The following CDH13 variants were observed in gnomAD, a reference collection of about 807,000 sequenced individuals.
CDH13 encodes cadherin-13.
In CDH13, 24 loss-of-function variants were observed where a neutral mutation model predicts 63.8. The ratio of observed to expected loss-of-function variants is 0.38; its 90% CI spans 0.27 to 0.53. The LOEUF is 0.53. Among genes scored for constraint, CDH13 ranks in the 20% least tolerant of loss-of-function variants. CDH13 has a pLI of 0.85. For missense variants in CDH13, 1,049 were observed against 903.1 expected, an observed-to-expected ratio of 1.16 and a Z score of -2.07; for synonymous variants, 503 against 355.3, an observed-to-expected ratio of 1.42 and a Z score of -4.67.
At chr16:83,421,788 G>A (rs1056109093) in intron 6 of CDH13, among the ~76,000 whole-genome samples, 12 of 152,216 alleles carry the variant, frequency 7.9e-5, no homozygotes, top group Non-Finnish European at 1.5e-4. Context: ...ATTGGCCACA[G>A]TGGAATTAAC....
Position 83,405,941 on chromosome 16 carries a change from C to T in CDH13, c.781+60935C>T, listed in dbSNP as rs181138468. Among the ~76,000 whole-genome samples, 242 of 152,278 alleles carry T rather than the reference C, an allele frequency of 1.6e-3. 4 individuals carry two copies. Among genetic ancestry groups the T allele is most frequent in the African/African-American group, 5.6e-3 (232 of 41,566 alleles). ...TCAAAGTTAGAACAGGCAGCCAATG[C>T]GTTTGATGTCCTTGAGCCACATGCC... On this transcript the variant is annotated intron_variant, in intron 6 of 13. Coordinates refer to ENST00000567109, the MANE Select transcript of CDH13 (RefSeq NM_001257.5).
intron 7 of CDH13, among the ~76,000 whole-genome samples, chr16:83,499,386 C>T (rs542405702): frequency 0.013 from 1,983 of 152,254 alleles, 50 homozygotes; most frequent in African/African-American, 0.044. Context: ...TTTAACTTTT[C>T]CACAGTGCAG....
In CDH13 at chr16:83,646,692, CAAAA is replaced by C. The variant is rs199756336; in HGVS notation, c.1102-24080_1102-24077del. 2.1e-3 allele frequency among the ~76,000 whole-genome samples: 150 copies of C among 72,690 alleles called. 2 individuals are homozygous for C. The highest frequency in any genetic ancestry group is 6.7e-3 in the African/African-American group (147 of 21,886). The allele number at this position is 72,690 out of a possible 152,430, so 47.7% of individuals were successfully genotyped here. ...GGGTGACAAGAGCAAGACTCCGTCT[CAAAA>C]AAAAAAAAAAAAAAAAACACACACA... On this transcript the variant is annotated intron_variant, in intron 8 of 13. Coordinates refer to ENST00000567109, the MANE Select transcript of CDH13 (RefSeq NM_001257.5).
At chr16:83,349,377 G>C (rs2090904244) in intron 6 of CDH13, among the ~76,000 whole-genome samples, 1 of 152,084 alleles carries the variant, frequency 6.6e-6, no homozygotes, top group African/African-American at 2.4e-5. Flanking sequence ...ATGTCTTGTT[G>C]GCATCAATTC....
chr16:82,785,984 CA>C (rs1419198068), intron 1 of CDH13, among the ~76,000 whole-genome samples: 2 of 152,084 alleles, frequency 1.3e-5, no homozygotes, highest in Non-Finnish European at 2.9e-5. Flanking sequence ...AGGGTTAGAC[CA>C]CACAGGCTAA....
intron 2 of CDH13, among the ~76,000 whole-genome samples, chr16:82,984,293 A>G (rs1474742192): frequency 1.3e-5 from 2 of 152,224 alleles, no homozygotes; most frequent in African/African-American, 4.8e-5. Flanking sequence ...GACTTGAAGT[A>G]TCATTCAGCT....
intron 3 of CDH13, among the ~76,000 whole-genome samples, chr16:83,036,175 G>A (rs1322354229): frequency 7.3e-6 from 1 of 137,768 alleles, no homozygotes. Context: ...TTGAGATAGG[G>A]TCTCAGTCCT....
chr16:83,269,447 G>A (rs1238267045), intron 5 of CDH13, among the ~76,000 whole-genome samples: 2 of 152,128 alleles, frequency 1.3e-5, no homozygotes, highest in Admixed American at 6.5e-5. Flanking sequence ...TGGACCTAGG[G>A]ATATGAAGAT....
At chr16:83,630,693 C>T (rs1025903989) in intron 8 of CDH13, among the ~76,000 whole-genome samples, 2 of 152,152 alleles carry the variant, frequency 1.3e-5, no homozygotes, top group African/African-American at 2.4e-5. Context: ...TTCTGTCTGT[C>T]CTTTGACCTG....
intron 1 of CDH13, among the ~76,000 whole-genome samples, chr16:82,802,378 A>G (rs1490650540): frequency 6.6e-6 from 1 of 152,104 alleles, no homozygotes; most frequent in Non-Finnish European, 1.5e-5. Flanking sequence ...GCTTTACAGA[A>G]TGCTCTTTTC....
At chr16:83,534,284 C>G (rs1184293770) in intron 7 of CDH13, among the ~76,000 whole-genome samples, 2 of 152,138 alleles carry the variant, frequency 1.3e-5, no homozygotes, top group South Asian at 2.1e-4. Context: ...TCCTCACAGC[C>G]TGGATTCAAA....
intron 2 of CDH13, among the ~76,000 whole-genome samples, chr16:82,883,689 G>A (rs1022600747): frequency 6.6e-6 from 1 of 152,158 alleles, no homozygotes; most frequent in African/African-American, 2.4e-5. Context: ...GAGCTGCTGT[G>A]AGGATTAGCT....
At chr16:83,752,529 A>C (rs1262721208) in intron 11 of CDH13, among the ~76,000 whole-genome samples, 1 of 152,208 alleles carries the variant, frequency 6.6e-6, no homozygotes, top group African/African-American at 2.4e-5. Context: ...ATCTGGTCTA[A>C]ACTTCCGCCA....
intron 4 of CDH13, among the ~76,000 whole-genome samples, chr16:83,142,160 GTTTT>G (rs11445521): frequency 8.3e-6 from 1 of 120,376 alleles, no homozygotes. Flanking sequence ...GTTTGTTTTT[GTTTT>G]TTTTTTTTTT....
At chr16:82,968,530 C>T (rs1908205682) in intron 2 of CDH13, among the ~76,000 whole-genome samples, 1 of 152,148 alleles carries the variant, frequency 6.6e-6, no homozygotes, top group Non-Finnish European at 1.5e-5. Context: ...TGAAATCTTT[C>T]CTGAACACTT....
intron 2 of CDH13, among the ~76,000 whole-genome samples, chr16:82,893,815 CT>C (rs1486439053): frequency 6.6e-6 from 1 of 152,136 alleles, no homozygotes; most frequent in Non-Finnish European, 1.5e-5. Context: ...TCTCGAGACA[CT>C]TGCCTTCTTT....
chr16:82,720,604 C>T (rs553047913), intron 1 of CDH13, among the ~76,000 whole-genome samples: 5 of 151,770 alleles, frequency 3.3e-5, no homozygotes, highest in East Asian at 1.9e-4. Context: ...CCAGAGGACC[C>T]GGGGAAAACC....
At chr16:83,227,670 G>A (rs903842806) in intron 5 of CDH13, among the ~76,000 whole-genome samples, 8 of 152,248 alleles carry the variant, frequency 5.3e-5, no homozygotes, top group East Asian at 3.9e-4. Flanking sequence ...TAAAAAGCAC[G>A]TGGGGGAGCA....
At chr16:83,074,871 G>A (rs78777169) in intron 3 of CDH13, among the ~76,000 whole-genome samples, 3,910 of 152,262 alleles carry the variant, frequency 0.026, 168 homozygotes, top group African/African-American at 0.086. Context: ...TCTGAAAGAC[G>A]CAAAATTAGA....
Sources: allele counts gnomAD v4.1 joint callset (sites outside exome capture counted in the v4.1 genomes callset), GRCh38; gene constraint gnomAD v4.1.1; transcripts MANE v1.5; gene names NCBI Gene and HGNC (gene_info 2026-07-23, HGNC 2026-07-21).